TLK2: variants seen among roughly 807,000 people sequenced by gnomAD.
TLK2 encodes the protein tousled like kinase 2.
In TLK2, 6 loss-of-function variants were observed where a neutral mutation model predicts 117.3. The ratio of observed to expected loss-of-function variants is 0.05; its 90% CI spans 0.03 to 0.10. The LOEUF (loss-of-function observed/expected upper bound fraction) is 0.10, where lower values mean the gene tolerates loss of function less well. TLK2 is among the 10% of genes least tolerant of loss of function. The probability of loss-of-function intolerance (pLI) is 1.00; values close to 1 mark genes in which losing one functional copy is unlikely to be tolerated. For synonymous variants in TLK2, 257 were observed against 316.7 expected (o/e 0.81, Z 2.00); for missense variants, 299 against 901.2 (o/e 0.33, Z 8.56).
chr17:62,583,089 T>TTTTG (rs754112844), intron 15 of TLK2, among the ~76,000 whole-genome samples: 1 of 152,058 alleles, frequency 6.6e-6, no homozygotes, highest in Admixed American at 6.5e-5. Flanking sequence ...TTTGTTTTTG[T>TTTTG]TTTGTTTGTT....
chr17:62,512,646 T>G (rs1412491662), intron 2 of TLK2, among the ~76,000 whole-genome samples: 1 of 151,992 alleles, frequency 6.6e-6, no homozygotes, highest in Non-Finnish European at 1.5e-5. Flanking sequence ...GTAATTTGTT[T>G]CCTCATCCTG....
chr17:62,504,782 T>C (rs1376075183), intron 2 of TLK2, among the ~76,000 whole-genome samples: 1 of 152,178 alleles, frequency 6.6e-6, no homozygotes, highest in Non-Finnish European at 1.5e-5. Flanking sequence ...GCACTGAGCC[T>C]GGGCGACAGA....
At position 62,607,462 on chromosome 17, in the gene TLK2, G is replaced by C. The variant is rs189286617; in HGVS notation, c.1972-579G>C. 2.5e-3 allele frequency among the ~76,000 whole-genome samples: 378 copies of C among 152,032 alleles called. 2 individuals are homozygous for C. Among genetic ancestry groups the C allele is most frequent in the African/African-American group, 7.8e-3 (324 of 41,456 alleles). ...GAGAATGGCATGAACCCGGGAGGCA[G>C]AGCTTTCACTGAGCTGAGATCATGC... On this transcript the variant is annotated intron_variant, in intron 20 of 21. Coordinates refer to ENST00000346027, the MANE Select transcript of TLK2 (RefSeq NM_006852.6).
intron 15 of TLK2, 143 bp from the exon 16 acceptor site, chr17:62,585,992 C>T (rs1159506070): frequency 1.1e-5 from 6 of 569,940 alleles, no homozygotes; most frequent in Non-Finnish European, 1.8e-5. Flanking sequence ...CAAGAAGGTG[C>T]TTGCAACACT....
At chr17:62,562,186 C>T (rs947007450) in intron 10 of TLK2, among the ~76,000 whole-genome samples, 3 of 152,030 alleles carry the variant, frequency 2.0e-5, no homozygotes, top group Admixed American at 2.0e-4. Flanking sequence ...ATGGTGAAAC[C>T]CCATCTCTAC....
At chr17:62,600,121 C>G (rs1445123493) in intron 17 of TLK2, among the ~76,000 whole-genome samples, 1 of 152,166 alleles carries the variant, frequency 6.6e-6, no homozygotes, top group Non-Finnish European at 1.5e-5. Context: ...CGTGGGCAAA[C>G]TCTAGATTCT....
intron 2 of TLK2, among the ~76,000 whole-genome samples, chr17:62,511,778 G>A (rs186437606): frequency 6.6e-6 from 1 of 152,270 alleles, no homozygotes. Context: ...AGTGTTCCAT[G>A]GTGTGGATAT....
At chr17:62,561,074 A>G (rs1315243393) in intron 10 of TLK2, among the ~76,000 whole-genome samples, 1 of 151,966 alleles carries the variant, frequency 6.6e-6, no homozygotes, top group Admixed American at 6.6e-5. Flanking sequence ...GAGAACATGC[A>G]GTGTTTGGTT....
chr17:62,567,183 G>A (rs928287979), intron 11 of TLK2, among the ~76,000 whole-genome samples: 3 of 152,130 alleles, frequency 2.0e-5, no homozygotes, highest in Non-Finnish European at 2.9e-5. Flanking sequence ...GCAGTGAGCC[G>A]AGAATTGTAC....
intron 7 of TLK2, chr17:62,551,991 G>A (rs996777623): frequency 5.3e-5 from 19 of 356,600 alleles, no homozygotes; most frequent in Admixed American, 3.8e-4. Flanking sequence ...GAAAATACAA[G>A]TGAAAAAGGC....
chr17:62,473,344 T>C (rs1286822981), intron 1 of TLK2, among the ~76,000 whole-genome samples: 1 of 152,158 alleles, frequency 6.6e-6, no homozygotes, highest in Non-Finnish European at 1.5e-5. Flanking sequence ...GGGGAGCAAA[T>C]TGCTATTGTC....
In TLK2 at chr17:62,600,918, A is replaced by G. The variant is rs1449744541; in HGVS notation, c.1720+98A>G. ...GTTAGAGAATTTCACAGCAGCCAAG[A>G]AAGGCTAATAACATCTGACTTTTGA... On this transcript the variant is annotated intron_variant, in intron 18 of 21. Transcript: ENST00000346027. 6 of 1,229,130 alleles carry G rather than the reference A, an allele frequency of 4.9e-6. No homozygotes were observed. The Admixed American group carries it at 1.3e-4, about 27-fold the overall frequency. 76.1% of individuals were successfully genotyped at this position (1,229,130 alleles called of 1,614,324 possible).
chr17:62,471,847 AACGTGG>A (rs1471503508), intron 1 of TLK2, among the ~76,000 whole-genome samples: 1 of 144,426 alleles, frequency 6.9e-6, no homozygotes, highest in African/African-American at 2.5e-5. Flanking sequence ...TTTGTCTATT[AACGTGG>A]AAAGAGCGAG....
intron 2 of TLK2, among the ~76,000 whole-genome samples, chr17:62,503,547 T>C (rs2074400563): frequency 6.6e-6 from 1 of 151,438 alleles, no homozygotes; most frequent in Admixed American, 6.6e-5. Flanking sequence ...CCACCCTAGT[T>C]GCTGGGATTA....
At chr17:62,492,976 T>C (rs1312441701) in intron 2 of TLK2, among the ~76,000 whole-genome samples, 2 of 152,028 alleles carry the variant, frequency 1.3e-5, no homozygotes, top group African/African-American at 2.4e-5. Flanking sequence ...TGGGCACCTG[T>C]AATTACAGCT....
chr17:62,471,904 T>TTTTTTTTTTTC (rs2070948403), intron 1 of TLK2, among the ~76,000 whole-genome samples: 1 of 126,446 alleles, frequency 7.9e-6, no homozygotes, highest in Admixed American at 8.4e-5. Context: ...TTTTTTTTTT[T>TTTTTTTTTTTC]TTTTTTTTTT....
At chr17:62,522,109 T>A in intron 3 of TLK2, 95 bp from the exon 4 acceptor site, 1 of 1,297,992 alleles carries the variant, frequency 7.7e-7, no homozygotes, top group Admixed American at 2.2e-5. Context: ...CAGTTATATC[T>A]GTTTATATAT....
chr17:62,561,586 T>C (rs1313903984), intron 10 of TLK2, among the ~76,000 whole-genome samples: 1 of 152,224 alleles, frequency 6.6e-6, no homozygotes, highest in African/African-American at 2.4e-5. Context: ...GTTTGAGATA[T>C]ACTGGAGATT....
At chr17:62,573,070 C>A (rs1158013210) in intron 11 of TLK2, 145 bp from the exon 12 acceptor site, 1 of 851,750 alleles carries the variant, frequency 1.2e-6, no homozygotes, top group Non-Finnish European at 1.8e-6. Flanking sequence ...CCCTTCCAAT[C>A]TGAAGTTAAA....
Sources: allele counts gnomAD v4.1 joint callset (sites outside exome capture counted in the v4.1 genomes callset), GRCh38; gene constraint gnomAD v4.1.1; transcripts MANE v1.5; gene names NCBI Gene and HGNC (gene_info 2026-07-23, HGNC 2026-07-21).